TGFA: variants seen among roughly 807,000 people sequenced by gnomAD.
TGFA encodes transforming growth factor alpha.
Under a neutral mutation model 21.7 loss-of-function variants are expected in TGFA, and 12 were observed. The observed-to-expected ratio is 0.55, with a 90% CI of 0.35 to 0.90. The LOEUF is 0.90. Among genes scored for constraint, TGFA ranks in the 40% least tolerant of loss-of-function variants. The pLI is 0.01. For synonymous variants in TGFA, 79 were observed against 88.1 expected, an observed-to-expected ratio of 0.90 and a Z score of 0.58; for missense variants, 178 against 210.8, an observed-to-expected ratio of 0.84 and a Z score of 0.96.
intron 2 of TGFA, among the ~76,000 whole-genome samples, chr2:70,506,879 A>G (rs1671942513): frequency 2.6e-5 from 4 of 152,248 alleles, no homozygotes; most frequent in Admixed American, 2.6e-4. Context: ...CTGGATGCCC[A>G]GAAAGACCCA....
Position 70,514,891 on chromosome 2 carries a change from T to C in TGFA, c.62A>G (p.Gln21Arg). ...CGGGGACGTGCTGTTCTCCAAGGCCTGGCACGCAGCCAACACAATACCTGT... is the reference window on the plus strand; with the variant it reads ...CGGGGACGTGCTGTTCTCCAAGGCCCGGCACGCAGCCAACACAATACCTGT... Reference protein sequence around the residue: ...FALGIVLAACQALENSTSPLS... With the variant: ...FALGIVLAACRALENSTSPLS... The change falls in exon 2 of 6, where the codon CAG (glutamine) becomes CGG (arginine). Residue 21 changes from glutamine (Q) to arginine (R), a missense_variant. By Grantham distance (43) the Gln-to-Arg change is conservative (BLOSUM62 1). Transcript: ENST00000295400. The C allele has an allele frequency of 2.5e-6, 4 of 1,613,944 alleles. No individual in the cohort carries two copies. Among genetic ancestry groups the C allele is most frequent in the Non-Finnish European group, 3.4e-6 (4 of 1,179,992 alleles).
rs553882329 is a variant in TGFA at position 70,450,040 on chromosome 2, T to C, written c.*819A>G. Reference sequence around the variant, plus strand: ...ACCATTTCTGAACCCCTACCTTTATTCCTACCAGTAACCCAGCCTCTGGTT... The same window carrying C: ...ACCATTTCTGAACCCCTACCTTTATCCCTACCAGTAACCCAGCCTCTGGTT... On this transcript the variant is annotated 3_prime_UTR_variant, in exon 6 of 6. Coordinates refer to ENST00000295400, the MANE Select transcript of TGFA (RefSeq NM_003236.4). 6.6e-6 allele frequency: 1 copy of C among 152,348 alleles called. No homozygotes were observed. Among genetic ancestry groups the C allele is most frequent in the Admixed American group, 6.5e-5 (1 of 15,308 alleles). 9.4% of individuals were successfully genotyped at this position (152,348 alleles called of 1,614,324 possible). A position where few individuals can be genotyped will look rare whatever the true frequency, so the allele number is the denominator to read the frequency against.
In TGFA at chr2:70,476,698, C is replaced by T. The variant is rs910026552; in HGVS notation, c.95-10962G>A. Among the ~76,000 whole-genome samples the T allele has an allele frequency of 3.3e-5, 5 of 152,230 alleles. No individual in the cohort carries two copies. In the East Asian group the frequency reaches 5.8e-4, roughly 18 times the overall value. On this transcript the variant is annotated intron_variant, in intron 2 of 5. Transcript: ENST00000295400. The stretch of plus-strand genomic sequence containing the variant: ...ACTTTTGACAGGTGCCTTTTTTCAT[C>T]GGCAGTTTGCAGATGCCGTGTGGGT...
At chr2:70,549,399 T>A (rs549394919) in intron 1 of TGFA, among the ~76,000 whole-genome samples, 3 of 152,260 alleles carry the variant, frequency 2.0e-5, no homozygotes, top group African/African-American at 7.2e-5. Flanking sequence ...TCTCCAAGGG[T>A]CCCTTCTGCC....
At chr2:70,523,101 G>A (rs535243559) in intron 1 of TGFA, among the ~76,000 whole-genome samples, 8 of 152,234 alleles carry the variant, frequency 5.3e-5, no homozygotes, top group East Asian at 3.9e-4. Context: ...TCCAAAGCCC[G>A]GATTTAAGTC....
At chr2:70,472,450 G>A (rs1278057538) in intron 2 of TGFA, among the ~76,000 whole-genome samples, 1 of 152,204 alleles carries the variant, frequency 6.6e-6, no homozygotes, top group Non-Finnish European at 1.5e-5. Flanking sequence ...CTGCTCTCTG[G>A]GGAAGCTGTG....
intron 1 of TGFA, among the ~76,000 whole-genome samples, chr2:70,535,320 T>C (rs1318173849): frequency 6.6e-6 from 1 of 152,226 alleles, no homozygotes; most frequent in Non-Finnish European, 1.5e-5. Context: ...GGCTAGGTCA[T>C]GGTTCTCTTT....
At chr2:70,491,567 A>C (rs1470974555) in intron 2 of TGFA, among the ~76,000 whole-genome samples, 2 of 152,172 alleles carry the variant, frequency 1.3e-5, no homozygotes, top group Non-Finnish European at 2.9e-5. Flanking sequence ...TATCTTTTTG[A>C]AAATTCAAAA....
intron 3 of TGFA, among the ~76,000 whole-genome samples, chr2:70,463,827 G>A (rs1310080125): frequency 1.3e-5 from 2 of 152,078 alleles, no homozygotes; most frequent in East Asian, 1.9e-4. Context: ...CAATGACCAG[G>A]GCACTCATGA....
At chr2:70,501,996 G>A (rs1671751722) in intron 2 of TGFA, among the ~76,000 whole-genome samples, 1 of 152,216 alleles carries the variant, frequency 6.6e-6, no homozygotes, top group Non-Finnish European at 1.5e-5. Context: ...GTGCTTGTGT[G>A]GCAGGTTCTG....
chr2:70,524,528 C>T (rs114113424), intron 1 of TGFA, among the ~76,000 whole-genome samples: 2,409 of 152,336 alleles, frequency 0.016, 65 homozygotes, highest in African/African-American at 0.055. Flanking sequence ...GGCTGGAGTT[C>T]CCCAGCTGCT....
rs2902539 is a variant in TGFA, at chr2:70,516,708, A to T, written c.41-1796T>A. 3.9e-5 allele frequency among the ~76,000 whole-genome samples: 6 copies of T among 152,254 alleles called. No individual in the cohort carries two copies. In the South Asian group the frequency reaches 1.0e-3, roughly 26 times the overall value. The stretch of plus-strand genomic sequence containing the variant: ...CCCATCCAAGCCGGGAAAAGTCAGC[A>T]GTTGCCCCCTTGAAGCTGGGGAACA... On this transcript the variant is annotated intron_variant, in intron 1 of 5. Coordinates refer to ENST00000295400, the MANE Select transcript of TGFA (RefSeq NM_003236.4).
chr2:70,487,051 T>A (rs1671291740), intron 2 of TGFA, among the ~76,000 whole-genome samples: 1 of 152,232 alleles, frequency 6.6e-6, no homozygotes, highest in Non-Finnish European at 1.5e-5. Flanking sequence ...CATGTGCCAC[T>A]GCGCCCAGCC....
In TGFA at chr2:70,521,609, G is replaced by GTTTT. The variant is rs797022948; in HGVS notation, c.41-6698_41-6697insAAAA. Among the ~76,000 whole-genome samples the GTTTT allele has an allele frequency of 8.1e-4, 64 of 78,870 alleles. 2 individuals are homozygous for GTTTT. The highest frequency in any genetic ancestry group is 1.9e-3 in the South Asian group (4 of 2,068). 51.7% of individuals were successfully genotyped at this position (78,870 alleles called of 152,430 possible). ...ACTATTGATAGTTTTTTTTGTTGTTGTTTGTTTGTTTTTTTTTTTTTTTTT... is the reference window on the plus strand; with the variant it reads ...ACTATTGATAGTTTTTTTTGTTGTTGTTTTTTTGTTTGTTTTTTTTTTTTTTTTT... On this transcript the variant is annotated intron_variant, in intron 1 of 5. Transcript: ENST00000295400.
At chr2:70,482,617 A>G (rs1200277214) in intron 2 of TGFA, among the ~76,000 whole-genome samples, 2 of 152,182 alleles carry the variant, frequency 1.3e-5, no homozygotes, top group Non-Finnish European at 2.9e-5. Context: ...TCCTGATTAA[A>G]TCATTACTCT....
chr2:70,499,871 C>G (rs1553498876), intron 2 of TGFA, among the ~76,000 whole-genome samples: 1 of 152,102 alleles, frequency 6.6e-6, no homozygotes, highest in African/African-American at 2.4e-5. Flanking sequence ...TGAGTGAAAA[C>G]AAATGTGTCG....
chr2:70,545,549 A>G (rs1673276731), intron 1 of TGFA, among the ~76,000 whole-genome samples: 2 of 152,364 alleles, frequency 1.3e-5, no homozygotes, highest in South Asian at 4.1e-4. Flanking sequence ...CTAACTGGTT[A>G]ACTGTTTCAA....
chr2:70,542,539 TCAAC>T (rs1418761704), intron 1 of TGFA, among the ~76,000 whole-genome samples: 2 of 152,122 alleles, frequency 1.3e-5, no homozygotes, highest in African/African-American at 2.4e-5. Flanking sequence ...ATAAACAAAA[TCAAC>T]CAACCAACAA....
At chr2:70,551,016 C>A (rs1553506736) in intron 1 of TGFA, among the ~76,000 whole-genome samples, 1 of 152,148 alleles carries the variant, frequency 6.6e-6, no homozygotes, top group Non-Finnish European at 1.5e-5. Flanking sequence ...CCCAGTTATA[C>A]AACTCACATA....
Sources: allele counts gnomAD v4.1 joint callset (sites outside exome capture counted in the v4.1 genomes callset), GRCh38; gene constraint gnomAD v4.1.1; transcripts MANE v1.5; gene names NCBI Gene and HGNC (gene_info 2026-07-23, HGNC 2026-07-21).